CTNNAL1: variants seen among roughly 807,000 people sequenced by gnomAD.
CTNNAL1 encodes catenin alpha like 1, also known as alpha-catulin.
Under a neutral mutation model 93.6 loss-of-function variants are expected in CTNNAL1, and 69 were observed. That is an observed-to-expected ratio of 0.74 (90% CI 0.61 to 0.90). CTNNAL1 has a LOEUF of 0.90. CTNNAL1 is among the 40% of genes least tolerant of loss of function. The pLI is 0.00. For synonymous variants in CTNNAL1, 286 were observed against 305.4 expected (o/e 0.94, Z 0.66); for missense variants, 836 against 862.0 (o/e 0.97, Z 0.38).
At chr9:108,973,031 T>C (rs1831162686) in intron 8 of CTNNAL1, among the ~76,000 whole-genome samples, 198 bp from the exon 9 acceptor site, 1 of 152,012 alleles carries the variant, frequency 6.6e-6, no homozygotes, top group Non-Finnish European at 1.5e-5. Flanking sequence ...ACAGTAGGAG[T>C]TGTGTAGCAC....
intron 6 of CTNNAL1, among the ~76,000 whole-genome samples, chr9:108,981,603 T>G (rs964103021): frequency 1.3e-5 from 2 of 152,186 alleles, no homozygotes; most frequent in Non-Finnish European, 2.9e-5. Flanking sequence ...CACCCCATGT[T>G]CCTACTTAGA....
chr9:108,957,420 T>C (rs1034809889), intron 11 of CTNNAL1, among the ~76,000 whole-genome samples: 5 of 152,178 alleles, frequency 3.3e-5, no homozygotes, highest in Admixed American at 3.3e-4. Flanking sequence ...GTGCCTAGCC[T>C]AGGAAATTTC....
chr9:108,958,894 C>T (rs1210093840), intron 11 of CTNNAL1, among the ~76,000 whole-genome samples: 4 of 150,230 alleles, frequency 2.7e-5, no homozygotes, highest in African/African-American at 4.9e-5. Flanking sequence ...CCACCACGCT[C>T]GGCTAATTAT....
At chr9:108,992,886 C>A (rs779381043) in intron 2 of CTNNAL1, 67 bp from the exon 3 acceptor site, 23 of 1,485,522 alleles carry the variant, frequency 1.5e-5, no homozygotes, top group Non-Finnish European at 2.1e-5. Context: ...TTCTCTCTAA[C>A]CTTGAAGGTA....
rs571342340 is a variant in CTNNAL1 at position 108,959,494 on chromosome 9, T to G, written c.1592-3667A>C. On this transcript the variant is annotated intron_variant, in intron 11 of 18. Transcript: ENST00000325551. ...AGTTCTAGATATGTGGGAGGATCCC[T>G]TGAACCCAGGAGTTTGAGGCTGCAG... Among the ~76,000 whole-genome samples, 1,321 of 150,568 alleles carry G rather than the reference T, an allele frequency of 8.8e-3. 6 individuals are homozygous for G. Among genetic ancestry groups the G allele is most frequent in the South Asian group, 0.036 (173 of 4,742 alleles).
At chr9:108,955,489 T>C (rs1206573010) in intron 12 of CTNNAL1, among the ~76,000 whole-genome samples, 1 of 152,230 alleles carries the variant, frequency 6.6e-6, no homozygotes, top group East Asian at 1.9e-4. Flanking sequence ...CAAAACAACT[T>C]CTGACTTCAG....
chr9:108,990,942 T>A, intron 3 of CTNNAL1, 97 bp from the exon 4 acceptor site: 1 of 1,418,296 alleles, frequency 7.1e-7, no homozygotes, highest in Non-Finnish European at 9.4e-7. Context: ...AATTCTGAAT[T>A]CTAGGTGAAA....
chr9:109,012,868 C>T (rs1348721647), intron 1 of CTNNAL1, among the ~76,000 whole-genome samples: 1 of 152,168 alleles, frequency 6.6e-6, no homozygotes, highest in Non-Finnish European at 1.5e-5. Flanking sequence ...GACCAGGCTG[C>T]GAACTGGTGA....
intron 1 of CTNNAL1, among the ~76,000 whole-genome samples, chr9:109,009,056 G>A (rs1009320856): frequency 1.3e-5 from 2 of 150,994 alleles, no homozygotes; most frequent in Admixed American, 6.6e-5. Flanking sequence ...CATCACACCC[G>A]ACTAATTTTT....
intron 12 of CTNNAL1, among the ~76,000 whole-genome samples, chr9:108,954,032 C>A (rs1830633667): frequency 6.6e-6 from 1 of 152,080 alleles, no homozygotes; most frequent in African/African-American, 2.4e-5. Context: ...TTATATTATT[C>A]TTTTAAATAT....
chr9:108,974,612 C>CT (rs1189311358), intron 8 of CTNNAL1, among the ~76,000 whole-genome samples: 2 of 152,088 alleles, frequency 1.3e-5, no homozygotes, highest in African/African-American at 4.8e-5. Context: ...GGCAGAAACA[C>CT]TGCTTGAGCC....
intron 3 of CTNNAL1, among the ~76,000 whole-genome samples, chr9:108,991,500 A>C (rs1831803782): frequency 6.6e-6 from 1 of 152,186 alleles, no homozygotes; most frequent in Admixed American, 6.5e-5. Context: ...CTTTTCTTTA[A>C]AATAACATTA....
At chr9:108,981,741 A>G (rs1038434717) in intron 6 of CTNNAL1, among the ~76,000 whole-genome samples, 4 of 152,154 alleles carry the variant, frequency 2.6e-5, no homozygotes, top group Non-Finnish European at 5.9e-5. Flanking sequence ...CCTGGCCAAC[A>G]TGGCAAAACC....
At chr9:108,964,901 C>T (rs868541902) in intron 11 of CTNNAL1, among the ~76,000 whole-genome samples, 3 of 151,568 alleles carry the variant, frequency 2.0e-5, no homozygotes, top group African/African-American at 7.3e-5. Flanking sequence ...CTTGCTCTGT[C>T]GCCCAGGCTG....
chr9:108,943,903 C>A (rs1830321525), intron 16 of CTNNAL1, 59 bp downstream of exon 16: 2 of 1,598,088 alleles, frequency 1.3e-6, no homozygotes, highest in Admixed American at 3.4e-5. Flanking sequence ...GATATTATAC[C>A]CCCAAAGTAG....
At chr9:109,000,822 G>T (rs911450860) in intron 1 of CTNNAL1, among the ~76,000 whole-genome samples, 1 of 152,150 alleles carries the variant, frequency 6.6e-6, no homozygotes, top group South Asian at 2.1e-4. Flanking sequence ...CAAGAGATGG[G>T]ATGGGCAGGG....
chr9:108,971,296 G>A (rs1195691288), intron 9 of CTNNAL1, among the ~76,000 whole-genome samples: 1 of 152,168 alleles, frequency 6.6e-6, no homozygotes, highest in African/African-American at 2.4e-5. Context: ...TAGATTATGT[G>A]AAGATAGCTA....
intron 3 of CTNNAL1, among the ~76,000 whole-genome samples, chr9:108,992,353 T>C (rs751456689): frequency 2.8e-4 from 43 of 152,058 alleles, no homozygotes; most frequent in Non-Finnish European, 5.1e-4. Flanking sequence ...AGACAAGCAT[T>C]GCCAAATTAC....
chr9:109,000,822 G>A (rs911450860), intron 1 of CTNNAL1, among the ~76,000 whole-genome samples: 4 of 152,034 alleles, frequency 2.6e-5, no homozygotes, highest in African/African-American at 7.2e-5. Flanking sequence ...CAAGAGATGG[G>A]ATGGGCAGGG....
Sources: gnomAD v4.1 joint callset for allele counts (sites outside exome capture counted in the v4.1 genomes callset) on GRCh38, gnomAD v4.1.1 for gene constraint, MANE v1.5 for transcripts, NCBI Gene and HGNC (gene_info 2026-07-23, HGNC 2026-07-21) for gene names.